ARHGAP24: variants seen among roughly 807,000 people sequenced by gnomAD.
The protein encoded by ARHGAP24 is rho GTPase-activating protein 24.
A neutral mutation model predicts 76.4 loss-of-function variants in ARHGAP24; 50 were observed. That is an observed-to-expected ratio of 0.65 (90% CI 0.52 to 0.83). ARHGAP24 has a LOEUF of 0.83. Among genes scored for constraint, ARHGAP24 ranks in the 40% least tolerant of loss-of-function variants. ARHGAP24 has a pLI of 0.00. For synonymous variants in ARHGAP24, 345 were observed against 323.3 expected, an observed-to-expected ratio of 1.07 and a Z score of -0.72; for missense variants, 930 against 914.2, an observed-to-expected ratio of 1.02 and a Z score of -0.22.
intron 3 of ARHGAP24, among the ~76,000 whole-genome samples, chr4:85,865,325 T>G (rs987314378): frequency 4.0e-5 from 6 of 151,820 alleles, no homozygotes; most frequent in African/African-American, 1.2e-4. Context: ...TCAATTGTTC[T>G]TGGCTGGCTA....
At chr4:85,578,685 A>G (rs1727486441) in intron 2 of ARHGAP24, among the ~76,000 whole-genome samples, 1 of 152,224 alleles carries the variant, frequency 6.6e-6, no homozygotes. Context: ...TAATGTTTCT[A>G]GAATGCTTAC....
chr4:85,838,930 T>G (rs1352983365), intron 3 of ARHGAP24, among the ~76,000 whole-genome samples: 1 of 152,238 alleles, frequency 6.6e-6, no homozygotes, highest in Non-Finnish European at 1.5e-5. Context: ...CTCACCTTTA[T>G]TTGTTGTCAT....
chr4:85,800,025 G>A (rs1392843863), intron 3 of ARHGAP24, among the ~76,000 whole-genome samples: 1 of 152,154 alleles, frequency 6.6e-6, no homozygotes, highest in Non-Finnish European at 1.5e-5. Context: ...ACTAAATGCA[G>A]CATGAGATCT....
intron 3 of ARHGAP24, among the ~76,000 whole-genome samples, chr4:85,724,221 A>G (rs1725070107): frequency 6.6e-6 from 1 of 152,152 alleles, no homozygotes; most frequent in Non-Finnish European, 1.5e-5. Flanking sequence ...AAAATCTATC[A>G]TAAAGATGAT....
intron 4 of ARHGAP24, 141 bp from the exon 5 acceptor site, chr4:85,941,925 A>G (rs1560733808): frequency 3.6e-6 from 3 of 823,008 alleles, no homozygotes; most frequent in Non-Finnish European, 5.9e-6. Context: ...ATTTGATTGT[A>G]TAATAATGTG....
chr4:85,961,129 G>A (rs111482059), intron 5 of ARHGAP24, among the ~76,000 whole-genome samples: 2 of 152,106 alleles, frequency 1.3e-5, no homozygotes, highest in African/African-American at 4.8e-5. Context: ...ATCCCTTCTA[G>A]CAAAGCACAC....
At chr4:85,815,067 G>T (rs1425292293) in intron 3 of ARHGAP24, among the ~76,000 whole-genome samples, 1 of 152,136 alleles carries the variant, frequency 6.6e-6, no homozygotes, top group African/African-American at 2.4e-5. Flanking sequence ...GCACCTTTCA[G>T]TCACAGCTGG....
rs1720872546 is a variant in ARHGAP24 at position 85,624,778 on chromosome 4, A to G, written c.180+54057A>G. 3.3e-5 allele frequency among the ~76,000 whole-genome samples: 5 copies of G among 152,044 alleles called. 1 individual carries two copies. The highest frequency in any genetic ancestry group is 3.3e-4 in the Admixed American group (5 of 15,260). ...CTGTTATTGGTCTATTCAGGGATTCACCTTCTTCCTGGTTTAGTCTTTGGA... is the reference window on the plus strand; with the variant it reads ...CTGTTATTGGTCTATTCAGGGATTCGCCTTCTTCCTGGTTTAGTCTTTGGA... On this transcript the variant is annotated intron_variant, in intron 2 of 9. Transcript: ENST00000395184.
rs145746684 is a variant in ARHGAP24, at chr4:85,590,917, T to A, written c.180+20196T>A. Among the ~76,000 whole-genome samples the A allele has an allele frequency of 6.9e-3, 1,045 of 151,812 alleles. 8 individuals are homozygous for A. Among genetic ancestry groups the A allele is most frequent in the Non-Finnish European group, 0.013 (866 of 67,988 alleles). ...TGTACAGGAAAAAAATAAAGAGTAG[T>A]CAAATATAAATTAAAACCATCAGTC... On this transcript the variant is annotated intron_variant, in intron 2 of 9. Transcript: ENST00000395184.
chr4:85,534,433 C>T (rs543985045), intron 1 of ARHGAP24, among the ~76,000 whole-genome samples: 2 of 152,250 alleles, frequency 1.3e-5, no homozygotes, highest in South Asian at 4.2e-4. Flanking sequence ...CAGGTCTCCC[C>T]TTTCGCCGCC....
intron 3 of ARHGAP24, among the ~76,000 whole-genome samples, chr4:85,795,126 T>C (rs1473848510): frequency 6.6e-6 from 1 of 152,234 alleles, no homozygotes; most frequent in African/African-American, 2.4e-5. Context: ...CTTCTTCCAT[T>C]CCATGTTACA....
At chr4:85,679,652 G>C (rs373262692) in intron 2 of ARHGAP24, among the ~76,000 whole-genome samples, 7 of 151,982 alleles carry the variant, frequency 4.6e-5, no homozygotes, top group African/African-American at 1.7e-4. Flanking sequence ...ATGAAGATTT[G>C]ACTGCCCTTC....
At chr4:85,505,169 C>T (rs1723994332) in intron 1 of ARHGAP24, among the ~76,000 whole-genome samples, 1 of 152,154 alleles carries the variant, frequency 6.6e-6, no homozygotes, top group South Asian at 2.1e-4. Flanking sequence ...TCCTTCATTT[C>T]AACCTTGGTG....
At chr4:85,500,432 A>G (rs1399319348) in intron 1 of ARHGAP24, among the ~76,000 whole-genome samples, 2 of 152,238 alleles carry the variant, frequency 1.3e-5, no homozygotes, top group Admixed American at 6.5e-5. Context: ...CTGAGAATAC[A>G]GATTATTAAC....
chr4:85,603,977 G>A (rs1004766226), intron 2 of ARHGAP24, among the ~76,000 whole-genome samples: 1 of 152,084 alleles, frequency 6.6e-6, no homozygotes, highest in South Asian at 2.1e-4. Context: ...ACCTTCCCCA[G>A]TATTTTTAGA....
intron 2 of ARHGAP24, among the ~76,000 whole-genome samples, chr4:85,658,594 G>T (rs1305102131): frequency 1.3e-5 from 2 of 152,148 alleles, no homozygotes; most frequent in Non-Finnish European, 2.9e-5. Flanking sequence ...GAATGTAAAA[G>T]TATCTTTTAT....
At chr4:85,649,721 GTCT>G (rs33912472) in intron 2 of ARHGAP24, among the ~76,000 whole-genome samples, 9,918 of 152,074 alleles carry the variant, frequency 0.065, 1,064 homozygotes, top group African/African-American at 0.23. Context: ...TCATGATGGA[GTCT>G]TCATCTTTCT....
chr4:85,597,438 A>C (rs986748721), intron 2 of ARHGAP24, among the ~76,000 whole-genome samples: 1 of 152,000 alleles, frequency 6.6e-6, no homozygotes, highest in Non-Finnish European at 1.5e-5. Flanking sequence ...AGAGGGACGG[A>C]TGGGGAAGGA....
chr4:85,683,376 G>C (rs1314868595), intron 2 of ARHGAP24, among the ~76,000 whole-genome samples: 1 of 152,074 alleles, frequency 6.6e-6, no homozygotes, highest in Admixed American at 6.5e-5. Context: ...TATTGATACA[G>C]AGAAAACTGC....
Sources: allele counts gnomAD v4.1 joint callset (sites outside exome capture counted in the v4.1 genomes callset), GRCh38; gene constraint gnomAD v4.1.1; transcripts MANE v1.5; gene names NCBI Gene and HGNC (gene_info 2026-07-23, HGNC 2026-07-21).